WDR89: variants seen among roughly 807,000 people sequenced by gnomAD.
WDR89 encodes the protein WD repeat domain 89, also known as WD repeat-containing protein 89.
WDR89 carries 17 observed loss-of-function variants against 29.1 expected under a neutral mutation model. The observed-to-expected ratio is 0.58, with a 90% confidence interval of 0.40 to 0.88. The LOEUF is 0.88. Ranked by LOEUF, WDR89 falls within the 40% of genes least tolerant of loss-of-function variation. The pLI is 0.00. For missense variants in WDR89, 396 were observed against 456.3 expected, an observed-to-expected ratio of 0.87 and a Z score of 1.20; for synonymous variants, 138 against 157.8, an observed-to-expected ratio of 0.87 and a Z score of 0.94.
chr14:63,623,236 G>C (rs190277814), intron 2 of WDR89, among the ~76,000 whole-genome samples: 9 of 142,274 alleles, frequency 6.3e-5, no homozygotes, highest in Non-Finnish European at 1.4e-4. Context: ...GTAAACCCTA[G>C]ACTAACCACT....
chr14:63,616,866 G>A lies in WDR89; in HGVS notation c.-32+8062C>T, dbSNP rs372390449. Among the ~76,000 whole-genome samples the A allele has an allele frequency of 3.9e-5, 6 of 152,162 alleles. No individual in the cohort carries two copies. The East Asian group carries it at 9.7e-4, about 25-fold the overall frequency. On this transcript the variant is annotated intron_variant, in intron 2 of 2. Coordinates refer to ENST00000620954, the MANE Select transcript of WDR89 (RefSeq NM_080666.4). The stretch of plus-strand genomic sequence containing the variant: ...CAAGAGTATAAGTAGTTAGTTTAGA[G>A]GTTTGTGCAAAGTTCTGAGAAAGAG...
chr14:63,603,852 C>A (rs943741910), intron 2 of WDR89, among the ~76,000 whole-genome samples: 2 of 152,220 alleles, frequency 1.3e-5, no homozygotes, highest in East Asian at 3.8e-4. Flanking sequence ...ACCTCCACAG[C>A]TGCTGAGGTA....
rs1894892386 is a variant in WDR89 at position 63,598,605 on chromosome 14, A to C, written c.*174T>G. Reference sequence around the variant, plus strand: ...CTGATTTTATACTTAGAGGCTTTAAAATTTTTTAGAATATGTGAAGACCGG... The same window carrying C: ...CTGATTTTATACTTAGAGGCTTTAACATTTTTTAGAATATGTGAAGACCGG... On this transcript the variant is annotated 3_prime_UTR_variant, in exon 3 of 3. Coordinates refer to ENST00000620954, the MANE Select transcript of WDR89 (RefSeq NM_080666.4). The C allele has an allele frequency of 3.9e-6, 2 of 510,534 alleles. No homozygotes were observed. The highest frequency in any genetic ancestry group is 3.4e-5 in the East Asian group (1 of 29,524). 31.6% of individuals were successfully genotyped at this position (510,534 alleles called of 1,614,324 possible).
At position 63,598,990 on chromosome 14, in the gene WDR89, C is replaced by T; in HGVS notation, c.953G>A (p.Gly318Glu). Residue 318 changes from glycine (G) to glutamate (E), a missense_variant, in exon 3 of 3, where the codon GGA becomes GAA. Coordinates refer to ENST00000620954, the MANE Select transcript of WDR89 (RefSeq NM_080666.4). ...SGLTHVTSLQGGHAATVRSFC... is the reference protein window; with the variant it reads ...SGLTHVTSLQEGHAATVRSFC... ...AGAACGGACTGTAGCAGCATGCCCT[C>T]CCTGAAGGCTAGTCACATGGGTCAG... The T allele has an allele frequency of 1.2e-6, 2 of 1,614,176 alleles. No individual in the cohort carries two copies. Among genetic ancestry groups the T allele is most frequent in the South Asian group, 1.1e-5 (1 of 91,072 alleles).
intron 2 of WDR89, among the ~76,000 whole-genome samples, chr14:63,621,040 C>T (rs539510818): frequency 4.1e-4 from 62 of 151,972 alleles, no homozygotes; most frequent in South Asian, 6.2e-4. Flanking sequence ...CATATCAAAA[C>T]ATCTTGCTGT....
At position 63,607,930 on chromosome 14, in the gene WDR89, C is replaced by A. The variant is rs553592884; in HGVS notation, c.-31-7957G>T. ...AAAAGGAAAGAAACCCCAGGCCGGG[C>A]GCAGCAGTGGCTCATGCCTGTAATC... On this transcript the variant is annotated intron_variant, in intron 2 of 2. Coordinates refer to ENST00000620954, the MANE Select transcript of WDR89 (RefSeq NM_080666.4). 1.6e-3 allele frequency among the ~76,000 whole-genome samples: 238 copies of A among 149,962 alleles called. 1 individual carries two copies. Among genetic ancestry groups the A allele is most frequent in the African/African-American group, 5.6e-3 (227 of 40,878 alleles).
intron 2 of WDR89, among the ~76,000 whole-genome samples, chr14:63,600,279 A>AG (rs1360263690): frequency 6.6e-6 from 1 of 152,166 alleles, no homozygotes; most frequent in Non-Finnish European, 1.5e-5. Context: ...GGACTGCTTG[A>AG]GGCCAGGCAT....
chr14:63,631,969 G>A (rs541135831), intron 1 of WDR89, among the ~76,000 whole-genome samples: 20 of 151,670 alleles, frequency 1.3e-4, no homozygotes, highest in African/African-American at 3.6e-4. Flanking sequence ...AAAATTAGCC[G>A]GGCGTGATGG....
intron 2 of WDR89, among the ~76,000 whole-genome samples, chr14:63,602,950 G>C (rs1054425331): frequency 2.0e-5 from 3 of 151,928 alleles, no homozygotes; most frequent in African/African-American, 7.3e-5. Flanking sequence ...TGGAGATGGG[G>C]TTTCACCGTG....
Sources: allele counts gnomAD v4.1 joint callset (sites outside exome capture counted in the v4.1 genomes callset), GRCh38; gene constraint gnomAD v4.1.1; transcripts MANE v1.5; gene names NCBI Gene and HGNC (gene_info 2026-07-23, HGNC 2026-07-21).